The following FAM120C variants were observed in gnomAD, a reference collection of about 807,000 sequenced individuals.
FAM120C encodes the protein family with sequence similarity 120 member C, also known as constitutive coactivator of PPAR-gamma-like protein 2.
A neutral mutation model predicts 71.2 loss-of-function variants in FAM120C; 14 were observed. The ratio of observed to expected loss-of-function variants is 0.20; its 90% CI spans 0.13 to 0.31. FAM120C has a LOEUF of 0.31. Among genes scored for constraint, FAM120C ranks in the 10% least tolerant of loss-of-function variants. FAM120C has a pLI of 1.00. For synonymous variants in FAM120C, 354 were observed against 353.2 expected (o/e 1.00, Z -0.03); for missense variants, 500 against 879.0 (o/e 0.57, Z 5.45).
intron 1 of FAM120C, among the ~76,000 whole-genome samples, chrX:54,169,366 A>C (rs1557135636): frequency 8.9e-6 from 1 of 111,852 alleles, no homozygotes; most frequent in Non-Finnish European, 1.9e-5. Flanking sequence ...AAGTGGGCAT[A>C]ATCTGAGATC....
intron 9 of FAM120C, among the ~76,000 whole-genome samples, chrX:54,118,260 A>G (rs1255322242): frequency 9.1e-6 from 1 of 110,186 alleles, no homozygotes; most frequent in Non-Finnish European, 1.9e-5. Context: ...TTCACTCAGC[A>G]TATGCCCTTA....
intron 12 of FAM120C, among the ~76,000 whole-genome samples, chrX:54,086,150 G>T (rs186173525): frequency 9.0e-4 from 100 of 111,699 alleles, no homozygotes; most frequent in African/African-American, 3.2e-3. Flanking sequence ...CTCAGGGCTT[G>T]TGATGTACAT....
chrX:54,135,026 G>C lies in FAM120C; in HGVS notation c.1421C>G (p.Ala474Gly), dbSNP rs1243713114. Residue 474 changes from alanine to glycine, a missense_variant, in exon 7 of 16, where the codon GCT (alanine) becomes GGT (glycine). This residue lies in a region of FAM120C where 85 missense variants were observed against 84.9 expected (regional missense o/e 1.00). Coordinates refer to ENST00000375180, the MANE Select transcript of FAM120C (RefSeq NM_017848.6). The stretch of plus-strand genomic sequence containing the variant: ...AGAAAAAGCATGGGATTCCCCCAAA[G>C]CATGGGAGGAGAAGAGAAGAGATGA... ...PNSSLLFSSH[A>G]LGESHAFSED... 2 of 1,209,890 alleles carry C rather than the reference G, an allele frequency of 1.7e-6. No individual in the cohort carries two copies. Among genetic ancestry groups the C allele is most frequent in the Non-Finnish European group, 2.2e-6 (2 of 894,959 alleles).
intron 9 of FAM120C, among the ~76,000 whole-genome samples, chrX:54,124,709 G>A (rs983212967): frequency 2.7e-5 from 3 of 110,336 alleles, no homozygotes; most frequent in Non-Finnish European, 5.7e-5. Context: ...GCTGTAGACC[G>A]GAGCTGTTCC....
chrX:54,128,445 T>C (rs1410254183), intron 9 of FAM120C, among the ~76,000 whole-genome samples: 1 of 112,169 alleles, frequency 8.9e-6, no homozygotes, highest in African/African-American at 3.2e-5. Context: ...ACGTATTCTT[T>C]TGTAAAATGT....
At chrX:54,134,088 T>G in intron 7 of FAM120C, 42 bp from the exon 8 acceptor site, 1 of 1,161,890 alleles carries the variant, frequency 8.6e-7, no homozygotes, top group Non-Finnish European at 1.2e-6. Flanking sequence ...AAAAGGGAGA[T>G]TGATAAAGAT....
At chrX:54,111,638 A>T (rs2066937954) in intron 10 of FAM120C, among the ~76,000 whole-genome samples, 2 of 111,850 alleles carry the variant, frequency 1.8e-5, no homozygotes, top group Admixed American at 1.9e-4. Context: ...ATTATATATG[A>T]CATAAAGAAA....
chrX:54,153,562 C>T (rs782106157), intron 3 of FAM120C, among the ~76,000 whole-genome samples: 1 of 107,280 alleles, frequency 9.3e-6, no homozygotes, highest in African/African-American at 3.4e-5. Context: ...CACACAACAC[C>T]ACGCCCAGCT....
At chrX:54,133,615 C>A (rs1166203803) in intron 8 of FAM120C, among the ~76,000 whole-genome samples, 158 bp downstream of exon 8, 1 of 112,357 alleles carries the variant, frequency 8.9e-6, no homozygotes, top group African/African-American at 3.2e-5. Context: ...AGTCTGGCCT[C>A]ACCTAAGGCC....
intron 1 of FAM120C, among the ~76,000 whole-genome samples, chrX:54,163,910 A>ATG (rs1557134737): frequency 3.1e-5 from 3 of 96,293 alleles, no homozygotes. Flanking sequence ...GTGTGTGTGT[A>ATG]TGTGTGTATA....
rs374775978 is a variant in FAM120C at position 54,114,709 on chromosome X, G to A, written c.2312+1836C>T. 2.3e-4 allele frequency among the ~76,000 whole-genome samples: 25 copies of A among 109,752 alleles called. No individual in the cohort carries two copies. The East Asian group carries it at 7.0e-3, about 31-fold the overall frequency. ...CCGCCTCGGCCTCCCAAAGTGCTGGGGTTACAGGTGTGAGCCACTGCACCC... is the reference window on the plus strand; with the variant it reads ...CCGCCTCGGCCTCCCAAAGTGCTGGAGTTACAGGTGTGAGCCACTGCACCC... On this transcript the variant is annotated intron_variant, in intron 10 of 15. Coordinates refer to ENST00000375180, the MANE Select transcript of FAM120C (RefSeq NM_017848.6).
At chrX:54,145,877 A>G (rs2067152474) in intron 4 of FAM120C, among the ~76,000 whole-genome samples, 1 of 112,198 alleles carries the variant, frequency 8.9e-6, no homozygotes, top group Non-Finnish European at 1.9e-5. Flanking sequence ...CTGTGGCACT[A>G]TTCACAATAG....
intron 9 of FAM120C, among the ~76,000 whole-genome samples, chrX:54,130,905 T>C (rs2067062903): frequency 9.0e-6 from 1 of 111,447 alleles, no homozygotes; most frequent in Non-Finnish European, 1.9e-5. Context: ...GCTGCCAGTT[T>C]GTCCTACACC....
intron 3 of FAM120C, among the ~76,000 whole-genome samples, chrX:54,153,409 A>T (rs113202856): frequency 0.025 from 2,491 of 99,139 alleles, 84 homozygotes; most frequent in African/African-American, 0.087. Flanking sequence ...TGGATAATAT[A>T]TTTTTTTTTT....
intron 1 of FAM120C, among the ~76,000 whole-genome samples, chrX:54,175,890 C>T (rs1156424373): frequency 1.5e-4 from 17 of 111,685 alleles, no homozygotes; most frequent in African/African-American, 5.5e-4. Context: ...GGCAGTCTGG[C>T]TCCAAGGCCT....
intron 4 of FAM120C, among the ~76,000 whole-genome samples, chrX:54,142,185 G>A (rs190682817): frequency 1.8e-4 from 20 of 112,151 alleles, no homozygotes; most frequent in Admixed American, 6.7e-4. Context: ...AAAGACGGGT[G>A]ATTTTTGCAT....
At position 54,079,835 on chromosome X, in the gene FAM120C, T is replaced by C. The variant is rs919776225; in HGVS notation, c.3036+397A>G. On this transcript the variant is annotated intron_variant, in intron 15 of 15. Transcript: ENST00000375180. ...GCAGAATGGTAACGCTCCCGCCACATATATTCAGCAAAGGCAAAGAAGTCC... is the reference window on the plus strand; with the variant it reads ...GCAGAATGGTAACGCTCCCGCCACACATATTCAGCAAAGGCAAAGAAGTCC... Among the ~76,000 whole-genome samples, 11 of 110,660 alleles carry C rather than the reference T, an allele frequency of 9.9e-5. No homozygotes were observed. In the East Asian group the frequency reaches 2.8e-3, roughly 29 times the overall value.
chrX:54,172,808 CAT>C (rs2067295245), intron 1 of FAM120C, among the ~76,000 whole-genome samples: 1 of 111,910 alleles, frequency 8.9e-6, no homozygotes, highest in Non-Finnish European at 1.9e-5. Flanking sequence ...GTATTTCCAA[CAT>C]GTTTCCAGAT....
In FAM120C at chrX:54,085,836, A is replaced by G. The variant is rs1557121910; in HGVS notation, c.2718T>C (p.Ala906=). Reference sequence around the variant, plus strand: ...GCACAAAAGTAGGTGACGGAAGTAGAGCAGAAGGCGGTGGATGATTCATGT... The same window carrying G: ...GCACAAAAGTAGGTGACGGAAGTAGGGCAGAAGGCGGTGGATGATTCATGT... ...GVNMNHPPPS[A]LLPSPTFVPP... Residue 906 remains alanine (A), a synonymous_variant, in exon 13 of 16, where the codon GCT becomes GCC. Coordinates refer to ENST00000375180, the MANE Select transcript of FAM120C (RefSeq NM_017848.6). The G allele has an allele frequency of 1.7e-6, 2 of 1,209,791 alleles. No homozygotes were observed. Among genetic ancestry groups the G allele is most frequent in the South Asian group, 1.8e-5 (1 of 56,834 alleles).
Sources: gnomAD v4.1 joint callset for allele counts (sites outside exome capture counted in the v4.1 genomes callset) on GRCh38, gnomAD v4.1.1 for gene constraint, gnomAD v4.1.1 regional missense constraint, MANE v1.5 for transcripts, NCBI Gene and HGNC (gene_info 2026-07-23, HGNC 2026-07-21) for gene names.